The following ZNF276 variants were observed in gnomAD, a reference collection of about 807,000 sequenced individuals.
ZNF276 encodes zinc finger protein 276.
ZNF276 carries 59 observed loss-of-function variants against 63.9 expected under a neutral mutation model. The ratio of observed to expected loss-of-function variants is 0.92; its 90% CI spans 0.75 to 1.15. The LOEUF is 1.15. Ranked by LOEUF, ZNF276 falls within the 50% of genes most tolerant of loss-of-function variation. The probability of loss-of-function intolerance (pLI) is 0.00; values close to 1 mark genes in which losing one functional copy is unlikely to be tolerated. For synonymous variants in ZNF276, 496 were observed against 348.4 expected, an observed-to-expected ratio of 1.42 and a Z score of -4.72; for missense variants, 1,084 against 843.8, an observed-to-expected ratio of 1.28 and a Z score of -3.53.
In ZNF276 at chr16:89,738,744, C is replaced by T. The variant is rs1180615604; in HGVS notation, c.*498C>T. 1.9e-6 allele frequency: 3 copies of T among 1,612,944 alleles called. No homozygotes were observed. The South Asian group carries it at 3.3e-5, about 18-fold the overall frequency. ...GGAGCAGGTCCTCAGCCCATGCCGC[C>T]CACTAGGCCTCAGACCACAGGGGAG... On this transcript the variant is annotated 3_prime_UTR_variant, in exon 11 of 11. Coordinates refer to ENST00000443381, the MANE Select transcript of ZNF276 (RefSeq NM_001113525.2).
chr16:89,727,253 C>G (rs368394122), intron 4 of ZNF276, 26 bp from the exon 5 acceptor site: 155 of 1,609,882 alleles, frequency 9.6e-5, no homozygotes, highest in Middle Eastern at 3.3e-4. Context: ...GTGTTGGTAA[C>G]AGGAGCCTTG....
At chr16:89,720,856 G>C, upstream of ZNF276, 1 of 1,407,578 alleles carries the variant, frequency 7.1e-7, no homozygotes, top group South Asian at 1.5e-5. Context: ...CGGCCGCAGC[G>C]GCCATGGCGC....
At position 89,727,276 on chromosome 16, in the gene ZNF276, C is replaced by T. The variant is rs2061497824; in HGVS notation, c.1007-3C>T. 1.2e-6 allele frequency: 2 copies of T among 1,613,984 alleles called. No individual in the cohort carries two copies. The highest frequency in any genetic ancestry group is 8.5e-7 in the Non-Finnish European group (1 of 1,180,002). On this transcript the variant is annotated splice_region_variant and splice_polypyrimidine_tract_variant and intron_variant, in intron 4 of 10. Transcript: ENST00000443381. Reference sequence around the variant, plus strand: ...AACAGGAGCCTTGTTCTTTGTTTCTCAGGGCAGTTGGGTGAGAAGCAGCTT... The same window carrying T: ...AACAGGAGCCTTGTTCTTTGTTTCTTAGGGCAGTTGGGTGAGAAGCAGCTT...
In ZNF276 at chr16:89,723,715, A is replaced by G. The variant is rs757576856; in HGVS notation, c.1006+6A>G. The G allele has an allele frequency of 6.2e-7, 1 of 1,605,210 alleles. No homozygotes were observed. The highest frequency in any genetic ancestry group is 2.2e-5 in the East Asian group (1 of 44,712). ...GCCCCTTTGCAGGGCCCCAGGTAGG[A>G]GGCACCTCTTGCTGGTGCTAGACCA... is the stretch of plus-strand genomic sequence containing the variant. On this transcript the variant is annotated splice_donor_region_variant and intron_variant, in intron 4 of 10. Coordinates refer to ENST00000443381, the MANE Select transcript of ZNF276 (RefSeq NM_001113525.2).
chr16:89,727,608 G>C (rs1446565145), intron 5 of ZNF276, among the ~76,000 whole-genome samples: 1 of 152,162 alleles, frequency 6.6e-6, no homozygotes, highest in African/African-American at 2.4e-5. Context: ...GGGAGCTTCC[G>C]AGGCTTCTTG....
Position 89,740,200 on chromosome 16 carries a change from T to A in ZNF276, c.*1954T>A. On this transcript the variant is annotated 3_prime_UTR_variant, in exon 11 of 11. Transcript: ENST00000443381. ...ACAGAAGAGGGCATTTCCTCTTTGCTTATTGTAAGTCTTAAAACTGGTGAC... is the reference window on the plus strand; with the variant it reads ...ACAGAAGAGGGCATTTCCTCTTTGCATATTGTAAGTCTTAAAACTGGTGAC... 1.0e-6 allele frequency: 1 copy of A among 954,188 alleles called. No homozygotes were observed. Among genetic ancestry groups the A allele is most frequent in the Non-Finnish European group, 1.7e-6 (1 of 580,736 alleles). The allele number at this position is 954,188 out of a possible 1,614,324, so 59.1% of individuals were successfully genotyped here.
In ZNF276 at chr16:89,740,607, G is replaced by A; in HGVS notation, c.*2361G>A. On this transcript the variant is annotated 3_prime_UTR_variant, in exon 11 of 11. Transcript: ENST00000443381. Reference sequence around the variant, plus strand: ...GCTGAGATCACACCACTGCACTCCAGCCTGGGTGACAGAGTGAGACCCCCA... The same window carrying A: ...GCTGAGATCACACCACTGCACTCCAACCTGGGTGACAGAGTGAGACCCCCA... The A allele has an allele frequency of 1.7e-6, 1 of 596,494 alleles. No homozygotes were observed. Among genetic ancestry groups the A allele is most frequent in the Non-Finnish European group, 3.0e-6 (1 of 335,490 alleles). 37.0% of individuals were successfully genotyped at this position (596,494 alleles called of 1,614,324 possible).
chr16:89,735,881 G>GT (rs935617727), intron 9 of ZNF276, among the ~76,000 whole-genome samples: 21 of 101,974 alleles, frequency 2.1e-4, no homozygotes, highest in East Asian at 1.0e-3. Flanking sequence ...CGCCGGGGGT[G>GT]TTTTTTTTTG....
At position 89,738,978 on chromosome 16, in the gene ZNF276, G is replaced by C. The variant is rs775180524; in HGVS notation, c.*732G>C. On this transcript the variant is annotated 3_prime_UTR_variant, in exon 11 of 11. Transcript: ENST00000443381. ...TTATCAGTTCCACGGGGTTGCCCTA[G>C]AGAGAAAACAGGCAAACTCACAGGT... 3 of 1,614,078 alleles carry C rather than the reference G, an allele frequency of 1.9e-6. No individual in the cohort carries two copies. The highest frequency in any genetic ancestry group is 1.7e-6 in the Non-Finnish European group (2 of 1,180,032).
intron 6 of ZNF276, among the ~76,000 whole-genome samples, chr16:89,731,151 G>C (rs1213185260): frequency 6.6e-6 from 1 of 152,268 alleles, no homozygotes; most frequent in Non-Finnish European, 1.5e-5. Context: ...AATCCAGGCA[G>C]GCAGGGCAGG....
chr16:89,733,926 C>T lies in ZNF276; in HGVS notation c.1362C>T (p.His454=). The change falls in exon 9 of 11, where the codon CAC becomes CAT. Residue 454 remains histidine (H), a synonymous_variant. Coordinates refer to ENST00000443381, the MANE Select transcript of ZNF276 (RefSeq NM_001113525.2). ...VYRGADGMKK[H]IKEHHEEVRE... The stretch of plus-strand genomic sequence containing the variant: ...TCACCGAGTCTCTCCTTCAGAAGCA[C>T]ATCAAGGAGCACCACGAGGAGGTCC... 1.2e-6 allele frequency: 2 copies of T among 1,613,700 alleles called. No homozygotes were observed. The highest frequency in any genetic ancestry group is 1.7e-6 in the Non-Finnish European group (2 of 1,179,890).
rs763091838 is a variant in ZNF276 at position 89,727,398 on chromosome 16, T to A, written c.1085+41T>A. ...GTTTAAACAGCCTAAAATTTCTCCT[T>A]CAAAAACCATCAGTGACCTTTCTGA... On this transcript the variant is annotated intron_variant, in intron 5 of 10. Coordinates refer to ENST00000443381, the MANE Select transcript of ZNF276 (RefSeq NM_001113525.2). 7.5e-6 allele frequency: 12 copies of A among 1,589,884 alleles called. No individual in the cohort carries two copies. In the South Asian group the frequency reaches 1.3e-4, roughly 18 times the overall value.
intron 6 of ZNF276, 31 bp downstream of exon 6, chr16:89,729,349 C>T (rs1481881994): frequency 1.0e-5 from 16 of 1,605,582 alleles, no homozygotes; most frequent in Non-Finnish European, 1.1e-5. Context: ...CTGCTGGAGG[C>T]ATCCGTTGGG....
chr16:89,740,220 G>A lies in ZNF276; in HGVS notation c.*1974G>A. ...TTTGCTTATTGTAAGTCTTAAAACT[G>A]GTGACAGTTTTACCTATAGAAGGTA... On this transcript the variant is annotated 3_prime_UTR_variant, in exon 11 of 11. Coordinates refer to ENST00000443381, the MANE Select transcript of ZNF276 (RefSeq NM_001113525.2). 1 of 868,264 alleles carries A rather than the reference G, an allele frequency of 1.2e-6. No individual in the cohort carries two copies. Among genetic ancestry groups the A allele is most frequent in the Non-Finnish European group, 2.0e-6 (1 of 507,248 alleles). 53.8% of individuals were successfully genotyped at this position (868,264 alleles called of 1,614,324 possible). A position where few individuals can be genotyped will look rare whatever the true frequency, so the allele number is the denominator to read the frequency against.
intron 9 of ZNF276, among the ~76,000 whole-genome samples, chr16:89,735,526 C>T (rs894188459): frequency 4.6e-5 from 7 of 151,998 alleles, no homozygotes; most frequent in Non-Finnish European, 8.8e-5. Context: ...TTTGGTCCTT[C>T]AGACTCTGCA....
chr16:89,725,746 C>G (rs114718522), intron 4 of ZNF276, among the ~76,000 whole-genome samples: 3,088 of 152,082 alleles, frequency 0.02, 104 homozygotes, highest in African/African-American at 0.069. Context: ...AGCTGAGATT[C>G]TACCACTACG....
At position 89,723,564 on chromosome 16, in the gene ZNF276, G is replaced by C; in HGVS notation, c.861G>C (p.Gln287His). 3.1e-6 allele frequency: 5 copies of C among 1,612,786 alleles called. No homozygotes were observed. The highest frequency in any genetic ancestry group is 4.2e-6 in the Non-Finnish European group (5 of 1,179,990). ...CTGGGGATGCCCCTCAGACCTCCCA[G>C]GGTAGAGGGACAGGGACCCCAGTTG... ...WNPGDAPQTS[Q>H]GRGTGTPVGA... The change falls in exon 4 of 11, where the codon CAG (glutamine) becomes CAC (histidine). Residue 287 changes from glutamine (Q) to histidine (H), a missense_variant. Coordinates refer to ENST00000443381, the MANE Select transcript of ZNF276 (RefSeq NM_001113525.2).
chr16:89,726,853 C>CGTTGG (rs369709962), intron 4 of ZNF276, among the ~76,000 whole-genome samples: 2 of 151,952 alleles, frequency 1.3e-5, no homozygotes, highest in African/African-American at 4.8e-5. Context: ...ACCACGTTGG[C>CGTTGG]CAGGCTGGTC....
Position 89,723,290 on chromosome 16 carries a change from T to C in ZNF276, c.587T>C (p.Leu196Pro). 1 of 1,613,038 alleles carries C rather than the reference T, an allele frequency of 6.2e-7. No individual in the cohort carries two copies. Among genetic ancestry groups the C allele is most frequent in the Non-Finnish European group, 8.5e-7 (1 of 1,179,960 alleles). ...VDLITSSPQC[L>P]HGLVGWVHGH... ...CTGATCACATCCAGCCCCCAGTGCCTGCACGGCTTGGTGGGGTGGGTGCAT... is the reference window on the plus strand; with the variant it reads ...CTGATCACATCCAGCCCCCAGTGCCCGCACGGCTTGGTGGGGTGGGTGCAT... The change falls in exon 4 of 11, where the codon CTG becomes CCG. Residue 196 changes from leucine (L) to proline (P), a missense_variant. Coordinates refer to ENST00000443381, the MANE Select transcript of ZNF276 (RefSeq NM_001113525.2).
Sources: gnomAD v4.1 joint callset for allele counts (sites outside exome capture counted in the v4.1 genomes callset) on GRCh38, gnomAD v4.1.1 for gene constraint, MANE v1.5 for transcripts, NCBI Gene and HGNC (gene_info 2026-07-23, HGNC 2026-07-21) for gene names.